UBN2: variants seen among roughly 807,000 people sequenced by gnomAD.
UBN2 encodes ubinuclein-2.
UBN2 carries 35 observed loss-of-function variants against 120.2 expected under a neutral mutation model. The observed-to-expected ratio is 0.29, with a 90% CI of 0.22 to 0.39. The LOEUF is 0.39. UBN2 is among the 10% of genes least tolerant of loss of function. The pLI is 1.00. For synonymous variants in UBN2, 661 were observed against 648.7 expected (o/e 1.02, Z -0.29); for missense variants, 1,693 against 1,663.2 (o/e 1.02, Z -0.31).
Position 139,305,202 on chromosome 7 carries a change from A to C in UBN2, c.*7366A>C, listed in dbSNP as rs529676283. ...AAATAGCTTTGAATATTAATGTTGA[A>C]TTCTTCTTTCTTGGTTTCCTTTAGT... On this transcript the variant is annotated 3_prime_UTR_variant, in exon 18 of 18. Coordinates refer to ENST00000473989, the MANE Select transcript of UBN2 (RefSeq NM_173569.4). 1.1e-4 allele frequency: 17 copies of C among 152,290 alleles called. No individual in the cohort carries two copies. In the South Asian group the frequency reaches 3.3e-3, roughly 30 times the overall value. 9.4% of individuals were successfully genotyped at this position (152,290 alleles called of 1,614,324 possible). A position where few individuals can be genotyped will look rare whatever the true frequency, so the allele number is the denominator to read the frequency against.
At chr7:139,285,309 C>T (rs191062920) in intron 15 of UBN2, among the ~76,000 whole-genome samples, 111 of 152,248 alleles carry the variant, frequency 7.3e-4, no homozygotes, top group African/African-American at 2.3e-3. Flanking sequence ...GAGTTGCACT[C>T]CAGCCTGGGT....
intron 6 of UBN2, among the ~76,000 whole-genome samples, chr7:139,264,208 ATTACT>A (rs1309171379): frequency 2.0e-5 from 3 of 152,166 alleles, no homozygotes; most frequent in Admixed American, 1.3e-4. Context: ...TCAATTCCGT[ATTACT>A]TTACTTATTC....
At chr7:139,275,069 G>A (rs143414776) in intron 11 of UBN2, among the ~76,000 whole-genome samples, 7 of 150,846 alleles carry the variant, frequency 4.6e-5, no homozygotes, top group East Asian at 2.0e-4. Flanking sequence ...CCTGAGGTCC[G>A]GAGTTCAAGA....
chr7:139,329,189 T>A, the UBN2 span, among the ~76,000 whole-genome samples: 3 of 150,576 alleles, frequency 2.0e-5, no homozygotes, highest in African/African-American at 7.4e-5. Flanking sequence ...GCAAAAGATT[T>A]TTTTTTTTTT....
At chr7:139,248,140 C>T (rs1796522366) in intron 2 of UBN2, among the ~76,000 whole-genome samples, 1 of 152,108 alleles carries the variant, frequency 6.6e-6, no homozygotes, top group Non-Finnish European at 1.5e-5. Context: ...CTTTCTATGG[C>T]ATAAGTTCTT....
chr7:139,295,533 G>A (rs973626286), intron 17 of UBN2, among the ~76,000 whole-genome samples: 2 of 152,164 alleles, frequency 1.3e-5, no homozygotes, highest in East Asian at 1.9e-4. Flanking sequence ...GCTCTTACAC[G>A]AACTATCAAA....
In UBN2 at chr7:139,306,556, A is replaced by G. The variant is rs1199339829; in HGVS notation, c.*8720A>G. ...ACCTTCTGAGACCTTCAGATAATCA[A>G]TGGGCCTTTCCCCATTAGAGGTAGG... is the stretch of plus-strand genomic sequence containing the variant. On this transcript the variant is annotated 3_prime_UTR_variant, in exon 18 of 18. Transcript: ENST00000473989. The G allele has an allele frequency of 1.3e-5, 2 of 152,172 alleles. No individual in the cohort carries two copies. The highest frequency in any genetic ancestry group is 2.9e-5 in the Non-Finnish European group (2 of 68,026). The allele number at this position is 152,172 out of a possible 1,614,324, so 9.4% of individuals were successfully genotyped here.
At position 139,301,914 on chromosome 7, in the gene UBN2, C is replaced by CA. The variant is rs1170714166; in HGVS notation, c.*4079dup. 1.3e-5 allele frequency: 2 copies of CA among 151,930 alleles called. No individual in the cohort carries two copies. The highest frequency in any genetic ancestry group is 2.9e-5 in the Non-Finnish European group (2 of 67,984). 9.4% of individuals were successfully genotyped at this position (151,930 alleles called of 1,614,324 possible). On this transcript the variant is annotated 3_prime_UTR_variant, in exon 18 of 18. Coordinates refer to ENST00000473989, the MANE Select transcript of UBN2 (RefSeq NM_173569.4). ...GGCTTTTGTGTTTGTAATAATGAAG[C>CA]AGAAGAAAAGTGCAGTAGTAGATAA...
intron 3 of UBN2, among the ~76,000 whole-genome samples, chr7:139,253,360 T>A (rs929051048): frequency 6.6e-6 from 1 of 152,220 alleles, no homozygotes; most frequent in African/African-American, 2.4e-5. Context: ...AGCAGTGGAA[T>A]TTATTGGTCA....
intron 8 of UBN2, 98 bp downstream of exon 8, chr7:139,269,621 C>A: frequency 7.7e-7 from 1 of 1,296,678 alleles, no homozygotes; most frequent in Non-Finnish European, 1.1e-6. Context: ...GATTTATAGT[C>A]ATATTGTATG....
chr7:139,312,096 A>G (rs1351701316), downstream of UBN2, among the ~76,000 whole-genome samples: 5 of 152,220 alleles, frequency 3.3e-5, no homozygotes. Context: ...CTTGATTCAT[A>G]GCACATTGTC....
chr7:139,242,869 T>C (rs1339688079), intron 2 of UBN2, among the ~76,000 whole-genome samples: 2 of 152,166 alleles, frequency 1.3e-5, no homozygotes, highest in African/African-American at 4.8e-5. Context: ...TCCTTTCTAT[T>C]GGTAGGTTGA....
rs1472618499 is a variant in UBN2, at chr7:139,231,544, C to T, written c.60C>T (p.Ala20=). ...ISLSPVRRRE[A]EYPGPEREPE... Reference sequence around the variant, plus strand: ...TGTCACCGGTGCGGCGGCGCGAGGCCGAGTACCCGGGGCCCGAGCGTGAGC... The same window carrying T: ...TGTCACCGGTGCGGCGGCGCGAGGCTGAGTACCCGGGGCCCGAGCGTGAGC... The change falls in exon 1 of 18, where the codon GCC becomes GCT. Residue 20 remains alanine (A), a synonymous_variant. Transcript: ENST00000473989. 10 of 1,423,664 alleles carry T rather than the reference C, an allele frequency of 7.0e-6. No homozygotes were observed. In the East Asian group the frequency reaches 9.1e-5, roughly 13 times the overall value. 88.2% of individuals were successfully genotyped at this position (1,423,664 alleles called of 1,614,324 possible).
intron 3 of UBN2, among the ~76,000 whole-genome samples, chr7:139,258,050 G>T (rs889576691): frequency 6.6e-6 from 1 of 152,244 alleles, no homozygotes; most frequent in Admixed American, 6.5e-5. Flanking sequence ...GATTATAGGC[G>T]TGAGCCACCG....
At chr7:139,318,803 T>G in the UBN2 span, among the ~76,000 whole-genome samples, 32 of 152,270 alleles carry the variant, frequency 2.1e-4, no homozygotes, top group Non-Finnish European at 2.6e-4. Flanking sequence ...AATTCTCAGC[T>G]TAGGATTTCT....
At chr7:139,237,888 A>T (rs1198273109) in intron 2 of UBN2, among the ~76,000 whole-genome samples, 1 of 152,228 alleles carries the variant, frequency 6.6e-6, no homozygotes, top group Non-Finnish European at 1.5e-5. Flanking sequence ...CGTCAGACTC[A>T]GAACCAGCAT....
the UBN2 span, among the ~76,000 whole-genome samples, chr7:139,325,365 T>G: frequency 6.7e-6 from 1 of 149,592 alleles, no homozygotes; most frequent in African/African-American, 2.5e-5. Flanking sequence ...CCTCCCGGGT[T>G]CAAGTGATTC....
chr7:139,234,328 G>A (rs1796106894), intron 1 of UBN2, among the ~76,000 whole-genome samples: 1 of 151,986 alleles, frequency 6.6e-6, no homozygotes, highest in Non-Finnish European at 1.5e-5. Flanking sequence ...TGTTACATAT[G>A]GATACCATTC....
Position 139,231,804 on chromosome 7 carries a change from C to T in UBN2, c.320C>T (p.Pro107Leu), listed in dbSNP as rs1343108247. Reference protein sequence around the residue: ...PPFPPLPLQPPPPRESASRAE... With the variant: ...PPFPPLPLQPLPPRESASRAE... Reference sequence around the variant, plus strand: ...TTCCCGCCGCTGCCCTTGCAGCCGCCCCCGCCGCGGGAGTCGGCTTCCCGG... The same window carrying T: ...TTCCCGCCGCTGCCCTTGCAGCCGCTCCCGCCGCGGGAGTCGGCTTCCCGG... The change falls in exon 1 of 18, where the codon CCC becomes CTC. Residue 107 changes from proline to leucine, a missense_variant. Pro to Leu is a moderately conservative substitution (Grantham distance 98). Around this residue, in one of 5 missense-constraint regions of UBN2, gnomAD observed 663 missense variants for 591.2 expected, o/e 1.12. Coordinates refer to ENST00000473989, the MANE Select transcript of UBN2 (RefSeq NM_173569.4). The T allele has an allele frequency of 2.1e-6, 3 of 1,430,050 alleles. No homozygotes were observed. The highest frequency in any genetic ancestry group is 2.7e-6 in the Non-Finnish European group (3 of 1,091,450). 88.6% of individuals were successfully genotyped at this position (1,430,050 alleles called of 1,614,324 possible). A position where few individuals can be genotyped will look rare whatever the true frequency, so the allele number is the denominator to read the frequency against.
Sources: allele counts gnomAD v4.1 joint callset (sites outside exome capture counted in the v4.1 genomes callset), GRCh38; gene constraint gnomAD v4.1.1; regional missense constraint gnomAD v4.1.1; transcripts MANE v1.5; gene names NCBI Gene and HGNC (gene_info 2026-07-23, HGNC 2026-07-21).